The following CTNNA3 variants were observed in gnomAD, a reference collection of about 807,000 sequenced individuals.
CTNNA3 encodes the protein catenin alpha-3.
In CTNNA3, 76 loss-of-function variants were observed where a neutral mutation model predicts 95.7. That is an observed-to-expected ratio of 0.79 (90% confidence interval 0.66 to 0.96). CTNNA3 has a LOEUF of 0.96. CTNNA3 is among the 40% of genes least tolerant of loss of function. CTNNA3 has a pLI of 0.00. For synonymous variants in CTNNA3, 431 were observed against 374.4 expected, an observed-to-expected ratio of 1.15 and a Z score of -1.74; for missense variants, 1,191 against 1,089.8, an observed-to-expected ratio of 1.09 and a Z score of -1.31.
chr10:66,081,934 T>C (rs532984249), intron 14 of CTNNA3, among the ~76,000 whole-genome samples: 1 of 152,158 alleles, frequency 6.6e-6, no homozygotes, highest in African/African-American at 2.4e-5. Context: ...CTGACCAGCA[T>C]GGTGAAACCC....
chr10:66,924,869 G>A (rs1264487313), intron 7 of CTNNA3, among the ~76,000 whole-genome samples: 1 of 152,098 alleles, frequency 6.6e-6, no homozygotes, highest in East Asian at 1.9e-4. Flanking sequence ...TAAGTAACGC[G>A]CTTAAGGTTA....
intron 7 of CTNNA3, among the ~76,000 whole-genome samples, chr10:67,033,836 T>A (rs780607361): frequency 6.6e-6 from 1 of 152,118 alleles, no homozygotes; most frequent in Non-Finnish European, 1.5e-5. Flanking sequence ...AGTGGTGCGA[T>A]CTCAGCTCAC....
chr10:67,168,444 T>C (rs1029181311), intron 7 of CTNNA3, among the ~76,000 whole-genome samples: 1 of 152,160 alleles, frequency 6.6e-6, no homozygotes, highest in Non-Finnish European at 1.5e-5. Context: ...CATGATCAAG[T>C]AGACTTCATC....
intron 15 of CTNNA3, among the ~76,000 whole-genome samples, chr10:65,989,934 T>A (rs1276360245): frequency 6.6e-6 from 1 of 152,058 alleles, no homozygotes; most frequent in Admixed American, 6.6e-5. Context: ...GAGAGCAAAG[T>A]TTTTAGCTCT....
intron 5 of CTNNA3, among the ~76,000 whole-genome samples, chr10:67,498,345 T>C (rs912740033): frequency 1.3e-5 from 2 of 152,216 alleles, no homozygotes; most frequent in Non-Finnish European, 2.9e-5. Context: ...AGCCTTGTAG[T>C]ATAGTTTGAA....
intron 5 of CTNNA3, among the ~76,000 whole-genome samples, chr10:67,441,481 T>G (rs1429682780): frequency 1.3e-5 from 2 of 151,978 alleles, no homozygotes; most frequent in Non-Finnish European, 2.9e-5. Flanking sequence ...ACCAAGCATA[T>G]TTAACCCAAA....
upstream of CTNNA3, among the ~76,000 whole-genome samples, chr10:67,698,716 A>C (rs1236298582): frequency 6.6e-6 from 1 of 152,202 alleles, no homozygotes; most frequent in Non-Finnish European, 1.5e-5. Flanking sequence ...AGCTAGGAAT[A>C]ATCCCTGTTT....
intron 7 of CTNNA3, among the ~76,000 whole-genome samples, chr10:66,787,490 C>T (rs1220351805): frequency 1.3e-5 from 2 of 152,078 alleles, no homozygotes; most frequent in African/African-American, 4.8e-5. Context: ...TTCTCTTTCT[C>T]CTTCTGCCTC....
At chr10:66,496,136 A>AAT (rs1840090762) in intron 11 of CTNNA3, among the ~76,000 whole-genome samples, 2 of 152,206 alleles carry the variant, frequency 1.3e-5, no homozygotes, top group Non-Finnish European at 2.9e-5. Context: ...TTAGCTGAGC[A>AAT]ATATATGTCA....
chr10:67,225,697 C>A (rs1269528511), intron 5 of CTNNA3, among the ~76,000 whole-genome samples: 8 of 152,132 alleles, frequency 5.3e-5, no homozygotes, highest in African/African-American at 1.9e-4. Flanking sequence ...CAAGGGAACA[C>A]CCCTTGGGAC....
chr10:67,156,004 T>C (rs1377575758), intron 7 of CTNNA3, among the ~76,000 whole-genome samples: 1 of 152,142 alleles, frequency 6.6e-6, no homozygotes, highest in African/African-American at 2.4e-5. Context: ...TTTTATTTGT[T>C]CATGATTCAT....
chr10:66,517,450 T>A (rs1840901785), intron 11 of CTNNA3, among the ~76,000 whole-genome samples: 1 of 152,000 alleles, frequency 6.6e-6, no homozygotes, highest in African/African-American at 2.4e-5. Context: ...GCCGGCTAAA[T>A]CCTACCAAAA....
chr10:66,848,882 T>C (rs183367950), intron 7 of CTNNA3, among the ~76,000 whole-genome samples: 1 of 152,312 alleles, frequency 6.6e-6, no homozygotes, highest in East Asian at 1.9e-4. Flanking sequence ...CAGAATTATT[T>C]TCAGGTTTTC....
At chr10:65,997,023 G>GTT (rs35832130) in intron 15 of CTNNA3, among the ~76,000 whole-genome samples, 2,478 of 151,708 alleles carry the variant, frequency 0.016, 73 homozygotes, top group African/African-American at 0.057. Context: ...CATTAATTGT[G>GTT]TTTTTTTTAA....
chr10:66,326,483 G>A (rs1197730361), intron 12 of CTNNA3, among the ~76,000 whole-genome samples: 3 of 151,972 alleles, frequency 2.0e-5, no homozygotes, highest in Non-Finnish European at 4.4e-5. Flanking sequence ...TTCAGAGTTA[G>A]GTTCAGTATA....
At chr10:67,722,003 T>A (rs1309477932) in intron 1 of CTNNA3, among the ~76,000 whole-genome samples, 1 of 152,042 alleles carries the variant, frequency 6.6e-6, no homozygotes, top group Admixed American at 6.6e-5. Flanking sequence ...CAGTTGGAAA[T>A]GCAGAAATCA....
At chr10:67,583,638 A>G (rs1842501827) in intron 3 of CTNNA3, among the ~76,000 whole-genome samples, 1 of 152,166 alleles carries the variant, frequency 6.6e-6, no homozygotes, top group South Asian at 2.1e-4. Flanking sequence ...CTCCTGGATA[A>G]TATCCTGAGG....
chr10:66,884,961 A>C (rs1844989318), intron 7 of CTNNA3, among the ~76,000 whole-genome samples: 1 of 152,250 alleles, frequency 6.6e-6, no homozygotes, highest in South Asian at 2.1e-4. Context: ...AAAGGAAAGA[A>C]ATACTGATTT....
At chr10:66,406,020 A>T (rs1012563413) in intron 11 of CTNNA3, among the ~76,000 whole-genome samples, 6 of 152,200 alleles carry the variant, frequency 3.9e-5, no homozygotes, top group Admixed American at 3.9e-4. Flanking sequence ...GGAAAGAGAG[A>T]GGCAAAAATG....
Sources: gnomAD v4.1 joint callset for allele counts (sites outside exome capture counted in the v4.1 genomes callset) on GRCh38, gnomAD v4.1.1 for gene constraint, MANE v1.5 for transcripts, NCBI Gene and HGNC (gene_info 2026-07-23, HGNC 2026-07-21) for gene names.